USH2A: variants seen among roughly 807,000 people sequenced by gnomAD.
The protein encoded by USH2A is Usher syndrome 2A (autosomal recessive, mild).
USH2A carries 443 observed loss-of-function variants against 538.9 expected under a neutral mutation model. The ratio of observed to expected loss-of-function variants is 0.82; its 90% CI spans 0.76 to 0.89. The LOEUF is 0.89. USH2A is among the 40% of genes least tolerant of loss of function. The pLI, the probability that USH2A is intolerant of heterozygous loss-of-function variation, is 0.00. For synonymous variants in USH2A, 2,413 were observed against 2,273.5 expected (o/e 1.06, Z -1.75); for missense variants, 6,633 against 6,324.8 (o/e 1.05, Z -1.65).
intron 21 of USH2A, among the ~76,000 whole-genome samples, chr1:216,139,412 A>G (rs969846022): frequency 1.2e-4 from 18 of 149,310 alleles, no homozygotes; most frequent in African/African-American, 4.5e-4. Flanking sequence ...CTTCCCCTCT[A>G]CAGAAAAAAA....
chr1:216,001,420 T>C (rs894417892), intron 32 of USH2A, among the ~76,000 whole-genome samples: 31 of 152,144 alleles, frequency 2.0e-4, no homozygotes, highest in African/African-American at 7.5e-4. Flanking sequence ...TGGTATTTTA[T>C]ATTGTCTGTC....
chr1:216,117,875 T>G (rs752380191), intron 21 of USH2A, among the ~76,000 whole-genome samples: 3 of 150,928 alleles, frequency 2.0e-5, no homozygotes, highest in East Asian at 1.9e-4. Context: ...TGTATACACA[T>G]ATATAGATAT....
intron 11 of USH2A, among the ~76,000 whole-genome samples, chr1:216,269,064 T>A (rs2036528278): frequency 6.6e-6 from 1 of 152,064 alleles, no homozygotes; most frequent in South Asian, 2.1e-4. Flanking sequence ...TGAAAATACA[T>A]GAATCTTCAT....
intron 38 of USH2A, among the ~76,000 whole-genome samples, chr1:215,921,041 A>G (rs192769209): frequency 6.6e-6 from 1 of 152,046 alleles, no homozygotes. Context: ...GAAGAAAAAG[A>G]TTCTTTCTTT....
chr1:215,787,815 G>A (rs1661845395), intron 51 of USH2A, among the ~76,000 whole-genome samples: 1 of 152,050 alleles, frequency 6.6e-6, no homozygotes, highest in Non-Finnish European at 1.5e-5. Flanking sequence ...AGGCGGAGGT[G>A]GGTGGATCAC....
At chr1:216,065,474 A>G (rs2102541664) in intron 30 of USH2A, among the ~76,000 whole-genome samples, 1 of 152,348 alleles carries the variant, frequency 6.6e-6, no homozygotes, top group Non-Finnish European at 1.5e-5. Flanking sequence ...CTCTACACAA[A>G]AATGCAAATC....
chr1:216,125,178 A>T (rs1051544242), intron 21 of USH2A, among the ~76,000 whole-genome samples: 1 of 150,756 alleles, frequency 6.6e-6, no homozygotes, highest in Non-Finnish European at 1.5e-5. Flanking sequence ...GCATATCTAT[A>T]TTTTTCTGAA....
chr1:216,148,199 G>A (rs1245121334), intron 21 of USH2A, among the ~76,000 whole-genome samples: 1 of 151,562 alleles, frequency 6.6e-6, no homozygotes, highest in Non-Finnish European at 1.5e-5. Flanking sequence ...GGGTATTGAT[G>A]GCCAGGCTTC....
Position 215,970,708 on chromosome 1 carries a change from G to T in USH2A, c.6874C>A (p.Arg2292Ser), listed in dbSNP as rs727503722. The T allele has an allele frequency of 1.9e-6, 3 of 1,613,668 alleles. No homozygotes were observed. The East Asian group carries it at 6.7e-5, about 36-fold the overall frequency. The change falls in exon 36 of 72, where the codon CGT becomes AGT. Residue 2292 changes from arginine (R) to serine (S), a missense_variant. Coordinates refer to ENST00000307340, the MANE Select transcript of USH2A (RefSeq NM_206933.4). ...LIHNSSELSY[R>S]AYGFAPWSLH... ...CTCCAAGGAGCAAATCCGTAAGCAC[G>T]ATAGCTGAGTTCTGAGGAATTGTGG...
Position 215,849,956 on chromosome 1 carries a change from C to T in USH2A, c.8846-3923G>A, listed in dbSNP as rs1663972568. ...AGAAATACTTTCTTATATCACCAAACATTTAGAGAACATAAAACTAATTAA... is the reference window on the plus strand; with the variant it reads ...AGAAATACTTTCTTATATCACCAAATATTTAGAGAACATAAAACTAATTAA... On this transcript the variant is annotated intron_variant, in intron 44 of 71. Transcript: ENST00000307340. Among the ~76,000 whole-genome samples the T allele has an allele frequency of 4.0e-5, 6 of 148,670 alleles. No homozygotes were observed. In the South Asian group the frequency reaches 1.3e-3, roughly 32 times the overall value.
chr1:215,940,304 A>G, intron 37 of USH2A, among the ~76,000 whole-genome samples: 1 of 152,058 alleles, frequency 6.6e-6, no homozygotes, highest in African/African-American at 2.4e-5. Flanking sequence ...TTCTGCCAAT[A>G]CCAAAATCAG....
chr1:215,634,375 T>C, intron 70 of USH2A, 84 bp downstream of exon 70: 1 of 1,601,662 alleles, frequency 6.2e-7, no homozygotes, highest in Non-Finnish European at 8.5e-7. Context: ...CTTGTTACCA[T>C]GGCTATGACA....
chr1:216,281,069 A>G (rs2036765289), intron 11 of USH2A, among the ~76,000 whole-genome samples: 1 of 152,192 alleles, frequency 6.6e-6, no homozygotes, highest in Admixed American at 6.5e-5. Context: ...CTTTTATAAC[A>G]TTATTTAGGT....
chr1:216,202,394 A>G (rs997485905), intron 16 of USH2A, among the ~76,000 whole-genome samples: 1 of 152,232 alleles, frequency 6.6e-6, no homozygotes, highest in African/African-American at 2.4e-5. Context: ...TAGGAATATC[A>G]TATAAGGCAA....
At chr1:216,322,044 G>C (rs1239980174) in intron 8 of USH2A, 68 bp from the exon 9 acceptor site, 3 of 1,427,320 alleles carry the variant, frequency 2.1e-6, no homozygotes, top group African/African-American at 2.8e-5. Context: ...TAAGGTCCTA[G>C]GACTATATGC....
At chr1:216,031,613 G>A (rs974125215) in intron 32 of USH2A, among the ~76,000 whole-genome samples, 12 of 152,160 alleles carry the variant, frequency 7.9e-5, no homozygotes, top group African/African-American at 2.9e-4. Context: ...TCTTCGCTAT[G>A]TTGAAGCAAT....
chr1:215,746,358 A>G (rs564409416), intron 58 of USH2A, among the ~76,000 whole-genome samples: 1 of 147,798 alleles, frequency 6.8e-6, no homozygotes, highest in African/African-American at 2.4e-5. Flanking sequence ...TGTGTCAGAA[A>G]ATGAATGAAT....
chr1:215,644,470 G>A (rs368895703), intron 67 of USH2A, among the ~76,000 whole-genome samples: 8 of 152,254 alleles, frequency 5.3e-5, no homozygotes, highest in African/African-American at 1.2e-4. Context: ...GTAGAGAAAC[G>A]GCAAGGGGAC....
intron 13 of USH2A, among the ~76,000 whole-genome samples, chr1:216,236,710 G>A (rs1313086428): frequency 6.6e-6 from 1 of 152,078 alleles, no homozygotes; most frequent in Non-Finnish European, 1.5e-5. Context: ...GAGTGTATAT[G>A]GATCAGACAC....
Sources: gnomAD v4.1 joint callset for allele counts (sites outside exome capture counted in the v4.1 genomes callset) on GRCh38, gnomAD v4.1.1 for gene constraint, MANE v1.5 for transcripts, NCBI Gene and HGNC (gene_info 2026-07-23, HGNC 2026-07-21) for gene names.